Variants in PNPLA7 observed in about 807,000 individuals in gnomAD.
PNPLA7 encodes patatin-like phospholipase domain-containing protein 7.
A neutral mutation model predicts 161.7 loss-of-function variants in PNPLA7; 153 were observed. That is an observed-to-expected ratio of 0.95 (90% CI 0.83 to 1.08). The LOEUF is 1.08. PNPLA7 is among the 50% of genes least tolerant of loss of function. PNPLA7 has a pLI of 0.00. For synonymous variants in PNPLA7, 809 were observed against 782.1 expected, an observed-to-expected ratio of 1.03 and a Z score of -0.57; for missense variants, 1,739 against 1,856.6, an observed-to-expected ratio of 0.94 and a Z score of 1.16.
At chr9:137,549,524 C>T (rs1179543629) in intron 1 of PNPLA7, among the ~76,000 whole-genome samples, 8 of 144,518 alleles carry the variant, frequency 5.5e-5, no homozygotes, top group Non-Finnish European at 1.0e-4. Context: ...GAGTTGAGAT[C>T]GTGCCACTGC....
In PNPLA7 at chr9:137,495,101, C is replaced by T. The variant is rs534772592; in HGVS notation, c.2059G>A (p.Val687Ile). The T allele has an allele frequency of 1.8e-4, 296 of 1,608,388 alleles. 4 individuals carry two copies. In the South Asian group the frequency reaches 2.7e-3, roughly 15 times the overall value. The change falls in exon 19 of 35, where the codon GTT (valine) becomes ATT (isoleucine). Residue 687 changes from valine to isoleucine, a missense_variant. By Grantham distance (29) the Val-to-Ile change is conservative. This residue lies in a region of PNPLA7 where 192 missense variants were observed against 249.5 expected (regional missense o/e 0.77). Transcript: ENST00000406427. ...AGCTTGGCCAATTCTGAGTCCCGAA[C>T]GGCATGCACCGTGGTCGCCCGGGCC... The part of the protein sequence containing the change: ...HQARATTVHA[V>I]RDSELAKLPA...
chr9:137,480,744 G>C, intron 22 of PNPLA7: 1 of 725,836 alleles, frequency 1.4e-6, no homozygotes, highest in Non-Finnish European at 2.2e-6. Context: ...GGCGGGAAGC[G>C]GGGGCTGGGG....
intron 14 of PNPLA7, among the ~76,000 whole-genome samples, chr9:137,505,253 G>C (rs1833853193): frequency 7.0e-6 from 1 of 143,474 alleles, no homozygotes; most frequent in South Asian, 2.3e-4. Flanking sequence ...ATGAACTAAT[G>C]ATTGAATATT....
chr9:137,504,086 G>A (rs932605352), intron 14 of PNPLA7, among the ~76,000 whole-genome samples: 6 of 120,712 alleles, frequency 5.0e-5, no homozygotes, highest in African/African-American at 2.1e-4. Context: ...GAAGAAGAAG[G>A]AAGAAGAAGG....
chr9:137,509,464 C>T lies in PNPLA7; in HGVS notation c.1226-3381G>A, dbSNP rs749670900. On this transcript the variant is annotated intron_variant, in intron 12 of 34. Transcript: ENST00000406427. ...CTGGTATGAATGAGTTTAGCTGGTACGAATGAGTTTAGCTGGTACGAGTGA... is the reference window on the plus strand; with the variant it reads ...CTGGTATGAATGAGTTTAGCTGGTATGAATGAGTTTAGCTGGTACGAGTGA... 20 of 210,110 alleles carry T rather than the reference C, an allele frequency of 9.5e-5. 1 individual carries two copies. The highest frequency in any genetic ancestry group is 2.8e-4 in the South Asian group (5 of 17,932). 13.0% of individuals were successfully genotyped at this position (210,110 alleles called of 1,614,324 possible). A position where few individuals can be genotyped will look rare whatever the true frequency, so the allele number is the denominator to read the frequency against.
intron 11 of PNPLA7, chr9:137,516,686 C>T (rs1834590014): frequency 8.5e-6 from 2 of 235,082 alleles, no homozygotes; most frequent in South Asian, 1.5e-4. Flanking sequence ...GGCCTGGTGG[C>T]ATGCGCCTGT....
At chr9:137,478,818 C>G in intron 24 of PNPLA7, 1 of 524,340 alleles carries the variant, frequency 1.9e-6, no homozygotes. Context: ...CGCTGAGCCC[C>G]CAGCCCGATG....
chr9:137,538,450 C>T (rs1190502848), intron 8 of PNPLA7, among the ~76,000 whole-genome samples: 1 of 152,216 alleles, frequency 6.6e-6, no homozygotes, highest in Non-Finnish European at 1.5e-5. Context: ...CAGAGGACAC[C>T]ACCCAGGCTC....
intron 26 of PNPLA7, among the ~76,000 whole-genome samples, chr9:137,466,931 C>T (rs986889916): frequency 1.3e-5 from 2 of 150,380 alleles, no homozygotes; most frequent in Middle Eastern, 3.4e-3. Context: ...CTCCCACCAC[C>T]GTCTCCACCA....
In PNPLA7 at chr9:137,540,701, T is replaced by C. The variant is rs1457418703; in HGVS notation, c.688A>G (p.Lys230Glu). The C allele has an allele frequency of 1.9e-6, 3 of 1,611,872 alleles. No homozygotes were observed. The highest frequency in any genetic ancestry group is 3.3e-5 in the Admixed American group (2 of 59,870). Residue 230 changes from lysine (K) to glutamate (E), a missense_variant, in exon 8 of 35, where the codon AAA becomes GAA. By Grantham distance (56) the Lys-to-Glu change is moderately conservative. Coordinates refer to ENST00000406427, the MANE Select transcript of PNPLA7 (RefSeq NM_001098537.3). The surrounding 1 kb of genome is among the most constrained non-coding windows in gnomAD (Gnocchi z 5.1). ...QDTDGTEVVVKEVLAGDSVHS... is the reference protein window; with the variant it reads ...QDTDGTEVVVEEVLAGDSVHS... Reference sequence around the variant, plus strand: ...ACGCTGTCTCCCGCCAGAACCTCTTTCACCACCACCTCGGTGCCGTCCTGC... The same window carrying C: ...ACGCTGTCTCCCGCCAGAACCTCTTCCACCACCACCTCGGTGCCGTCCTGC...
intron 8 of PNPLA7, among the ~76,000 whole-genome samples, chr9:137,533,718 C>T (rs911847212): frequency 6.6e-6 from 1 of 151,592 alleles, no homozygotes; most frequent in African/African-American, 2.4e-5. Context: ...GACTCCTCCC[C>T]AACAGTGTCC....
rs189084281 is a variant in PNPLA7, at chr9:137,531,311, G to A, written c.748-8454C>T. On this transcript the variant is annotated intron_variant, in intron 8 of 34. Transcript: ENST00000406427. ...CGTGCGTGTGTTTGGGGGCGGGTGG[G>A]GAAAAAGAATAACAACTTAGCAGCT... Among the ~76,000 whole-genome samples the A allele has an allele frequency of 2.2e-3, 338 of 152,222 alleles. 2 individuals are homozygous for A. The highest frequency in any genetic ancestry group is 7.8e-3 in the African/African-American group (323 of 41,542).
At chr9:137,487,565 C>T (rs1256906321) in intron 20 of PNPLA7, among the ~76,000 whole-genome samples, 2 of 152,268 alleles carry the variant, frequency 1.3e-5, no homozygotes, top group Non-Finnish European at 2.9e-5. Flanking sequence ...GAGGCGCCCA[C>T]GTCTTCATCT....
chr9:137,468,783 CACG>C lies in PNPLA7; in HGVS notation c.2883-1313_2883-1311del, dbSNP rs1046129422. 5.3e-5 allele frequency among the ~76,000 whole-genome samples: 8 copies of C among 151,750 alleles called. No individual in the cohort carries two copies. Among genetic ancestry groups the C allele is most frequent in the African/African-American group, 1.7e-4 (7 of 41,280 alleles). ...AATGAACAGTGGCAATTGTTCATTT[CACG>C]ACATTGTAACAACATTGTATCATTA... On this transcript the variant is annotated intron_variant, in intron 25 of 34. Coordinates refer to ENST00000406427, the MANE Select transcript of PNPLA7 (RefSeq NM_001098537.3). The surrounding 1 kb of genome is among the most constrained non-coding windows in gnomAD (Gnocchi z 4.0).
chr9:137,491,974 T>C (rs1304970043), intron 20 of PNPLA7: 1 of 985,322 alleles, frequency 1.0e-6, no homozygotes, highest in Non-Finnish European at 1.2e-6. Context: ...AGCCAGGCTC[T>C]TCTGAGGGCT....
In PNPLA7 at chr9:137,505,780, C is replaced by T. The variant is rs199999291; in HGVS notation, c.1327-20G>A. On this transcript the variant is annotated intron_variant, in intron 13 of 34. Transcript: ENST00000406427. ...CCTGGACTGGAGAAGAACGGAGATA[C>T]CGGCAATTCGAAGGGATGTGGTTGG... 17 of 1,612,406 alleles carry T rather than the reference C, an allele frequency of 1.1e-5. 1 individual carries two copies. The South Asian group carries it at 1.8e-4, about 17-fold the overall frequency.
Position 137,480,356 on chromosome 9 carries a change from T to A in PNPLA7, c.2536A>T (p.Ile846Phe). Residue 846 changes from isoleucine (I) to phenylalanine (F), a missense_variant, in exon 23 of 35, where the codon ATC becomes TTC. Ile to Phe is a conservative substitution (Grantham distance 21). Transcript: ENST00000406427. ...TGGTCACCCAGGCCCACGATGAGGA[T>A]GCAGTCGGCCTGGCGCACGCAGCGC... ...TQRCVRQADC[I>F]LIVGLGDQEP... 1 of 1,613,444 alleles carries A rather than the reference T, an allele frequency of 6.2e-7. No individual in the cohort carries two copies. Among genetic ancestry groups the A allele is most frequent in the Non-Finnish European group, 8.5e-7 (1 of 1,179,946 alleles).
chr9:137,498,212 A>G lies in PNPLA7; in HGVS notation c.1791T>C (p.Gly597=). ...IMRKQPTVVL[G]VAHTVVKRMS... ...TCCTCTTCACCACAGTGTGCGCCAC[A>G]CCCAGGACGACGGTCGGCTGCTTCC... The change falls in exon 17 of 35, where the codon GGT becomes GGC. Residue 597 remains glycine, a synonymous_variant. Coordinates refer to ENST00000406427, the MANE Select transcript of PNPLA7 (RefSeq NM_001098537.3). 2 of 1,612,418 alleles carry G rather than the reference A, an allele frequency of 1.2e-6. No individual in the cohort carries two copies. The highest frequency in any genetic ancestry group is 1.7e-6 in the Non-Finnish European group (2 of 1,179,972).
At chr9:137,522,688 AC>A in intron 9 of PNPLA7, 40 bp downstream of exon 9, 2 of 1,609,328 alleles carry the variant, frequency 1.2e-6, no homozygotes, top group Non-Finnish European at 1.7e-6. Context: ...CCCCAGGGTG[AC>A]CCACAGCAGC....
Sources: allele counts gnomAD v4.1 joint callset (sites outside exome capture counted in the v4.1 genomes callset), GRCh38; gene constraint gnomAD v4.1.1; regional missense constraint gnomAD v4.1.1; non-coding constraint Gnocchi (gnomAD v3.1); transcripts MANE v1.5; gene names NCBI Gene and HGNC (gene_info 2026-07-23, HGNC 2026-07-21).